The following DLG2 variants were observed in gnomAD, a reference collection of about 807,000 sequenced individuals.
The protein encoded by DLG2 is discs large MAGUK scaffold protein 2.
A neutral mutation model predicts 132.5 loss-of-function variants in DLG2; 45 were observed. That is an observed-to-expected ratio of 0.34 (90% CI 0.27 to 0.44). The LOEUF (loss-of-function observed/expected upper bound fraction) is 0.44. Among genes scored for constraint, DLG2 ranks in the 20% least tolerant of loss-of-function variants. DLG2 has a pLI of 1.00. For synonymous variants in DLG2, 424 were observed against 419.6 expected (o/e 1.01, Z -0.13); for missense variants, 1,045 against 1,196.9 (o/e 0.87, Z 1.87).
intron 6 of DLG2, among the ~76,000 whole-genome samples, chr11:84,741,223 C>T (rs1010598641): frequency 4.0e-5 from 6 of 151,844 alleles, no homozygotes; most frequent in African/African-American, 9.7e-5. Context: ...CCCGCCACTG[C>T]GCCTGGCTAA....
At chr11:85,503,722 A>G (rs2093859048) in intron 3 of DLG2, among the ~76,000 whole-genome samples, 1 of 152,108 alleles carries the variant, frequency 6.6e-6, no homozygotes, top group South Asian at 2.1e-4. Context: ...GATTGAGTTC[A>G]GGAGTTCAAG....
intron 7 of DLG2, among the ~76,000 whole-genome samples, chr11:84,504,213 C>G (rs1035523115): frequency 6.6e-6 from 1 of 152,126 alleles, no homozygotes; most frequent in Admixed American, 6.5e-5. Context: ...GTTTTAAACT[C>G]ATTTTTTTTG....
intron 6 of DLG2, among the ~76,000 whole-genome samples, chr11:84,773,330 T>C (rs1478320348): frequency 6.6e-6 from 1 of 152,152 alleles, no homozygotes; most frequent in African/African-American, 2.4e-5. Context: ...AATTCACAGC[T>C]GAATTCTACC....
chr11:84,661,452 T>C (rs891932183), intron 6 of DLG2, among the ~76,000 whole-genome samples: 1 of 152,170 alleles, frequency 6.6e-6, no homozygotes, highest in Non-Finnish European at 1.5e-5. Context: ...AAAGTTGAAA[T>C]AGACCTAATG....
intron 16 of DLG2, among the ~76,000 whole-genome samples, chr11:83,854,882 T>C (rs1397758609): frequency 8.2e-6 from 1 of 121,336 alleles, no homozygotes; most frequent in Non-Finnish European, 2.0e-5. Flanking sequence ...ACAAGCTAAA[T>C]ACTGAGAGAA....
At chr11:84,057,006 T>C (rs1311528520) in intron 11 of DLG2, among the ~76,000 whole-genome samples, 1 of 152,080 alleles carries the variant, frequency 6.6e-6, no homozygotes, top group Non-Finnish European at 1.5e-5. Flanking sequence ...CCAAGCTCAC[T>C]TGTAACCCCA....
intron 7 of DLG2, among the ~76,000 whole-genome samples, chr11:84,501,457 C>A (rs2099204956): frequency 6.6e-6 from 1 of 152,114 alleles, no homozygotes; most frequent in Non-Finnish European, 1.5e-5. Flanking sequence ...CCTAGATACT[C>A]CAGAGGCTGA....
chr11:85,350,965 T>C (rs1475170744), intron 3 of DLG2, among the ~76,000 whole-genome samples: 1 of 152,172 alleles, frequency 6.6e-6, no homozygotes, highest in Non-Finnish European at 1.5e-5. Context: ...GGTAGCTTGA[T>C]GGGGATGGCA....
chr11:84,968,286 T>C (rs1022286218), intron 6 of DLG2, among the ~76,000 whole-genome samples: 2 of 152,158 alleles, frequency 1.3e-5, no homozygotes, highest in African/African-American at 2.4e-5. Flanking sequence ...TTTGTGTATA[T>C]GTACATGTAC....
Position 83,795,874 on chromosome 11 carries a change from G to A in DLG2, c.1723-9082C>T, listed in dbSNP as rs762810573. Among the ~76,000 whole-genome samples, 17 of 152,260 alleles carry A rather than the reference G, an allele frequency of 1.1e-4. No homozygotes were observed. In the East Asian group the frequency reaches 3.1e-3, roughly 28 times the overall value. On this transcript the variant is annotated intron_variant, in intron 17 of 27. Coordinates refer to ENST00000376104, the MANE Select transcript of DLG2 (RefSeq NM_001142699.3). ...GATTCAAACACATTCTTATACCCTTGTCCCTCACCATGTTGACCTTTTAAA... is the reference window on the plus strand; with the variant it reads ...GATTCAAACACATTCTTATACCCTTATCCCTCACCATGTTGACCTTTTAAA...
chr11:84,240,495 A>G (rs1207984283), intron 8 of DLG2, among the ~76,000 whole-genome samples: 2 of 152,160 alleles, frequency 1.3e-5, no homozygotes, highest in Non-Finnish European at 1.5e-5. Flanking sequence ...TATATGGTTG[A>G]ATCAAAAGAG....
intron 6 of DLG2, among the ~76,000 whole-genome samples, chr11:84,966,093 A>G (rs965984549): frequency 6.6e-6 from 1 of 151,972 alleles, no homozygotes. Context: ...TAATAGGTGT[A>G]TGTTGTATAC....
chr11:84,122,436 G>C (rs2093971459), intron 9 of DLG2, among the ~76,000 whole-genome samples: 1 of 152,202 alleles, frequency 6.6e-6, no homozygotes, highest in Admixed American at 6.5e-5. Flanking sequence ...AGACTGATTA[G>C]TCAACTGATG....
chr11:85,091,776 T>C (rs1273583080), intron 6 of DLG2, among the ~76,000 whole-genome samples: 1 of 152,226 alleles, frequency 6.6e-6, no homozygotes, highest in Admixed American at 6.5e-5. Flanking sequence ...ATCACATCTT[T>C]AGGCACCACT....
At chr11:85,430,100 T>C (rs1430267790) in intron 3 of DLG2, among the ~76,000 whole-genome samples, 1 of 149,572 alleles carries the variant, frequency 6.7e-6, no homozygotes, top group Non-Finnish European at 1.5e-5. Context: ...CAGCAAACTA[T>C]CGCAAGGACA....
intron 21 of DLG2, among the ~76,000 whole-genome samples, chr11:83,499,891 A>ACATC (rs1555113387): frequency 9.2e-5 from 10 of 108,234 alleles, no homozygotes; most frequent in African/African-American, 3.9e-4. Context: ...ATATATATAT[A>ACATC]TATATATCAG....
chr11:84,216,909 T>G (rs917425002), intron 8 of DLG2, among the ~76,000 whole-genome samples: 10 of 152,098 alleles, frequency 6.6e-5, no homozygotes, highest in Admixed American at 1.3e-4. Flanking sequence ...TATGGAATCA[T>G]GAAAATATAG....
chr11:84,089,199 G>C (rs1412841445), intron 10 of DLG2, among the ~76,000 whole-genome samples: 1 of 152,150 alleles, frequency 6.6e-6, no homozygotes, highest in Non-Finnish European at 1.5e-5. Context: ...CAATTGGTAA[G>C]TGGGTCTTGG....
At chr11:84,782,438 CCACACACA>C (rs10599798) in intron 6 of DLG2, among the ~76,000 whole-genome samples, 3 of 148,046 alleles carry the variant, frequency 2.0e-5, no homozygotes, top group Middle Eastern at 3.5e-3. Flanking sequence ...ACTACCCCTA[CCACACACA>C]CACACACACA....
Sources: gnomAD v4.1 joint callset for allele counts (sites outside exome capture counted in the v4.1 genomes callset) on GRCh38, gnomAD v4.1.1 for gene constraint, MANE v1.5 for transcripts, NCBI Gene and HGNC (gene_info 2026-07-23, HGNC 2026-07-21) for gene names.